Variants in CCNE1 observed in about 807,000 individuals in gnomAD.
CCNE1 encodes G1/S-specific cyclin-E1.
Under a neutral mutation model 54.1 loss-of-function variants are expected in CCNE1, and 8 were observed. The ratio of observed to expected loss-of-function variants is 0.15; its 90% confidence interval spans 0.09 to 0.27. The LOEUF (loss-of-function observed/expected upper bound fraction) is 0.27. Among genes scored for constraint, CCNE1 ranks in the 10% least tolerant of loss-of-function variants. The probability of loss-of-function intolerance (pLI) is 1.00; values close to 1 mark genes in which losing one functional copy is unlikely to be tolerated. For missense variants in CCNE1, 430 were observed against 514.9 expected, an observed-to-expected ratio of 0.84 and a Z score of 1.60; for synonymous variants, 179 against 185.2, an observed-to-expected ratio of 0.97 and a Z score of 0.27.
chr19:29,815,622 C>CTT (rs778868229), intron 4 of CCNE1, among the ~76,000 whole-genome samples: 17 of 99,604 alleles, frequency 1.7e-4, no homozygotes, highest in Non-Finnish European at 2.7e-4. Flanking sequence ...ATGGTCTCTG[C>CTT]TTTTTTTTTT....
chr19:29,812,474 A>C, intron 1 of CCNE1, 58 bp from the exon 2 acceptor site: 1 of 972,736 alleles, frequency 1.0e-6, no homozygotes, highest in Non-Finnish European at 1.3e-6. Flanking sequence ...CAAAGGGGGA[A>C]GGGGTACTGG....
chr19:29,822,480 G>A lies in CCNE1; in HGVS notation c.987G>A (p.Lys329=), dbSNP rs746367838. ...YQWCDIENCV[K]WMVPFAMVIR... ...GGTGCGACATAGAGAACTGTGTCAA[G>A]TGGATGGTTCCATTTGCCATGGTTA... The change falls in exon 11 of 12, where the codon AAG becomes AAA. Residue 329 remains lysine, a synonymous_variant. Coordinates refer to ENST00000262643, the MANE Select transcript of CCNE1 (RefSeq NM_001238.4). 7 of 1,614,040 alleles carry A rather than the reference G, an allele frequency of 4.3e-6. No individual in the cohort carries two copies. The highest frequency in any genetic ancestry group is 1.6e-4 in the Middle Eastern group (1 of 6,084).
chr19:29,823,530 G>GA (rs1974202227), intron 11 of CCNE1, 125 bp from the exon 12 acceptor site: 1 of 729,068 alleles, frequency 1.4e-6, no homozygotes, highest in Admixed American at 3.4e-5. Flanking sequence ...GTCTGGATGA[G>GA]AAAGCAAGTC....
intron 4 of CCNE1, chr19:29,813,255 C>G (rs1191646964): frequency 2.4e-5 from 14 of 580,544 alleles, no homozygotes; most frequent in Non-Finnish European, 4.0e-5. Flanking sequence ...CTGGCACCGT[C>G]TGAGATTACA....
At chr19:29,820,622 A>G (rs2145726455) in intron 6 of CCNE1, 80 bp from the exon 7 acceptor site, 1 of 1,020,948 alleles carries the variant, frequency 9.8e-7, no homozygotes, top group South Asian at 1.4e-5. Context: ...TTCCTTCACC[A>G]AAGTCATTAC....
At chr19:29,816,705 C>CT (rs544527590) in intron 4 of CCNE1, among the ~76,000 whole-genome samples, 2 of 152,000 alleles carry the variant, frequency 1.3e-5, no homozygotes, top group East Asian at 1.9e-4. Flanking sequence ...CATTTTTGAT[C>CT]TTTTTTTTAT....
At chr19:29,812,623 G>A in intron 2 of CCNE1, 45 bp downstream of exon 2, 2 of 1,548,052 alleles carry the variant, frequency 1.3e-6, no homozygotes, top group Middle Eastern at 2.1e-4. Context: ...GACGGGACGG[G>A]ACGGGTGGCG....
At position 29,820,711 on chromosome 19, in the gene CCNE1, G is replaced by A. The variant is rs777419186; in HGVS notation, c.472G>A (p.Val158Ile). ...LLDWLMEVCE[V>I]YKLHRETFYL... ...CTAAATATGTTTTCAGGTGTGTGAA[G>A]TCTATAAACTTCACAGGGAGACCTT... Residue 158 changes from valine (V) to isoleucine (I), a missense_variant, in exon 7 of 12, where the codon GTC (valine) becomes ATC (isoleucine). This residue lies in a region of CCNE1 where 303 missense variants were observed against 401.1 expected (regional missense o/e 0.76). Coordinates refer to ENST00000262643, the MANE Select transcript of CCNE1 (RefSeq NM_001238.4). 3 of 1,609,884 alleles carry A rather than the reference G, an allele frequency of 1.9e-6. No homozygotes were observed. In the Admixed American group the frequency reaches 5.0e-5, roughly 27 times the overall value.
intron 4 of CCNE1, chr19:29,813,305 A>C: frequency 4.0e-6 from 2 of 498,996 alleles, no homozygotes; most frequent in South Asian, 4.7e-5. Context: ...TGGACATCAC[A>C]GTATTCAGTC....
At chr19:29,812,405 G>C in intron 1 of CCNE1, 127 bp from the exon 2 acceptor site, 1 of 554,304 alleles carries the variant, frequency 1.8e-6, no homozygotes, top group Non-Finnish European at 2.6e-6. Flanking sequence ...TGCCCGGGTC[G>C]CGGGTGACAG....
intron 4 of CCNE1, among the ~76,000 whole-genome samples, chr19:29,813,798 T>C (rs890299294): frequency 1.3e-5 from 2 of 152,228 alleles, no homozygotes; most frequent in Admixed American, 6.5e-5. Context: ...GTACTATCTC[T>C]TTACTTTCAG....
intron 4 of CCNE1, 130 bp downstream of exon 4, chr19:29,813,167 A>AT: frequency 1.3e-6 from 1 of 796,092 alleles, no homozygotes; most frequent in East Asian, 2.6e-5. Context: ...GCCACAGCCC[A>AT]TATGGCCCAG....
intron 4 of CCNE1, among the ~76,000 whole-genome samples, chr19:29,815,156 G>C (rs1469584078): frequency 6.6e-6 from 1 of 152,184 alleles, no homozygotes; most frequent in Non-Finnish European, 1.5e-5. Context: ...CCTAGTTTGG[G>C]AACTGCTGCT....
rs779593824 is a variant in CCNE1 at position 29,822,492 on chromosome 19, A to G, written c.999A>G (p.Pro333=). ...AGAACTGTGTCAAGTGGATGGTTCC[A>G]TTTGCCATGGTTATAAGGGAGACGG... ...DIENCVKWMV[P]FAMVIRETGS... Residue 333 remains proline, a synonymous_variant, in exon 11 of 12, where the codon CCA becomes CCG. Coordinates refer to ENST00000262643, the MANE Select transcript of CCNE1 (RefSeq NM_001238.4). 1 of 1,614,006 alleles carries G rather than the reference A, an allele frequency of 6.2e-7. No homozygotes were observed. The highest frequency in any genetic ancestry group is 8.5e-7 in the Non-Finnish European group (1 of 1,180,006).
rs530453430 is a variant in CCNE1 at position 29,823,851 on chromosome 19, G to A, written c.*74G>A. On this transcript the variant is annotated 3_prime_UTR_variant, in exon 12 of 12. Transcript: ENST00000262643. ...CTCTTCTGTCTGTTGCAGCGGAGGC[G>A]TGCGTTTGCTTTTACAGATATCTGA... is the stretch of plus-strand genomic sequence containing the variant. 1.9e-5 allele frequency: 27 copies of A among 1,454,096 alleles called. No individual in the cohort carries two copies. The East Asian group carries it at 4.0e-4, about 22-fold the overall frequency. The allele number at this position is 1,454,096 out of a possible 1,614,324, so 90.1% of individuals were successfully genotyped here.
intron 6 of CCNE1, among the ~76,000 whole-genome samples, chr19:29,818,461 A>G (rs1000640438): frequency 6.6e-6 from 1 of 152,054 alleles, no homozygotes; most frequent in Non-Finnish European, 1.5e-5. Flanking sequence ...TGCCCAGCTA[A>G]ATTGCTTTTA....
intron 4 of CCNE1, chr19:29,813,260 A>G (rs1244460296): frequency 3.5e-6 from 2 of 576,244 alleles, no homozygotes; most frequent in African/African-American, 1.9e-5. Flanking sequence ...ACCGTCTGAG[A>G]TTACAGATAT....
chr19:29,818,200 G>T (rs2145723550), intron 6 of CCNE1, among the ~76,000 whole-genome samples: 1 of 152,154 alleles, frequency 6.6e-6, no homozygotes, highest in Non-Finnish European at 1.5e-5. Context: ...CTAATTTTTT[G>T]TATTTTTAGT....
chr19:29,814,452 G>A (rs187047010), intron 4 of CCNE1, among the ~76,000 whole-genome samples: 180 of 152,172 alleles, frequency 1.2e-3, no homozygotes, highest in Admixed American at 2.9e-3. Context: ...GCCACAGTGT[G>A]GATAGCTGTG....
Sources: gnomAD v4.1 joint callset for allele counts (sites outside exome capture counted in the v4.1 genomes callset) on GRCh38, gnomAD v4.1.1 for gene constraint, gnomAD v4.1.1 regional missense constraint, MANE v1.5 for transcripts, NCBI Gene and HGNC (gene_info 2026-07-23, HGNC 2026-07-21) for gene names.